WDR72: variants seen among roughly 807,000 people sequenced by gnomAD.
The protein encoded by WDR72 is WD repeat-containing protein 72.
Under a neutral mutation model 124.2 loss-of-function variants are expected in WDR72, and 120 were observed. The observed-to-expected ratio is 0.97, with a 90% CI of 0.83 to 1.12. WDR72 has a LOEUF of 1.12. Ranked by LOEUF, WDR72 falls within the 50% of genes most tolerant of loss-of-function variation. The probability of loss-of-function intolerance (pLI) is 0.00; values close to 1 mark genes in which losing one functional copy is unlikely to be tolerated. For synonymous variants in WDR72, 452 were observed against 441.7 expected (o/e 1.02, Z -0.29); for missense variants, 1,387 against 1,278.8 (o/e 1.08, Z -1.29).
chr15:53,565,752 G>C (rs1348524722), intron 18 of WDR72, among the ~76,000 whole-genome samples: 2 of 136,170 alleles, frequency 1.5e-5, no homozygotes, highest in Non-Finnish European at 3.2e-5. Context: ...TCAAACATGT[G>C]CACATACGTT....
chr15:53,549,350 A>G (rs1356104258), intron 18 of WDR72, among the ~76,000 whole-genome samples: 1 of 152,146 alleles, frequency 6.6e-6, no homozygotes, highest in Non-Finnish European at 1.5e-5. Context: ...TGAGAGAACT[A>G]GAGTGTAGCT....
At position 53,515,833 on chromosome 15, in the gene WDR72, T is replaced by C. The variant is rs143667387; in HGVS notation, c.*1866A>G. The C allele has an allele frequency of 1.6e-4, 24 of 152,292 alleles. No individual in the cohort carries two copies. Among genetic ancestry groups the C allele is most frequent in the South Asian group, 1.5e-3 (7 of 4,826 alleles). The allele number at this position is 152,292 out of a possible 1,614,324, so 9.4% of individuals were successfully genotyped here. On this transcript the variant is annotated 3_prime_UTR_variant, in exon 20 of 20. Transcript: ENST00000360509. ...TATTCTTGTTTCTAAAAGGGAATAA[T>C]AGGATGTAGCTATAAAAATAATGAA... is the stretch of plus-strand genomic sequence containing the variant.
At chr15:53,666,107 C>A (rs913818015) in intron 13 of WDR72, among the ~76,000 whole-genome samples, 2 of 152,178 alleles carry the variant, frequency 1.3e-5, no homozygotes, top group African/African-American at 2.4e-5. Context: ...TTAGTGCTGT[C>A]CCCTAGTGTT....
At chr15:53,615,229 TTTA>T (rs2013706268) in intron 15 of WDR72, among the ~76,000 whole-genome samples, 194 bp downstream of exon 15, 1 of 152,034 alleles carries the variant, frequency 6.6e-6, no homozygotes. Flanking sequence ...ATCATATAGA[TTTA>T]TTGCCAAATT....
chr15:53,694,421 C>T (rs945244320), intron 13 of WDR72, among the ~76,000 whole-genome samples: 2 of 152,144 alleles, frequency 1.3e-5, no homozygotes, highest in Admixed American at 6.5e-5. Context: ...GCTAATCTGT[C>T]ATCTGAGAAA....
chr15:53,552,072 G>A (rs1202496458), intron 18 of WDR72, among the ~76,000 whole-genome samples: 1 of 152,038 alleles, frequency 6.6e-6, no homozygotes, highest in Non-Finnish European at 1.5e-5. Context: ...CCTTGCAAGT[G>A]TCACCTGACA....
At chr15:53,598,795 G>A (rs902652743) in intron 17 of WDR72, among the ~76,000 whole-genome samples, 1 of 152,124 alleles carries the variant, frequency 6.6e-6, no homozygotes, top group African/African-American at 2.4e-5. Context: ...CAAGTGAATG[G>A]TGCTTACTCA....
intron 13 of WDR72, among the ~76,000 whole-genome samples, chr15:53,666,073 A>G (rs1226567925): frequency 6.6e-6 from 1 of 152,238 alleles, no homozygotes; most frequent in Non-Finnish European, 1.5e-5. Flanking sequence ...GCAAGTGATC[A>G]ATAACACATA....
chr15:53,543,085 C>T (rs367669413), intron 18 of WDR72, among the ~76,000 whole-genome samples: 20,702 of 141,648 alleles, frequency 0.15, 1,791 homozygotes, highest in Middle Eastern at 0.23. Flanking sequence ...GACAGATCAA[C>T]GAGACAGAAA....
At chr15:53,670,799 C>T (rs1453245341) in intron 13 of WDR72, among the ~76,000 whole-genome samples, 1 of 152,104 alleles carries the variant, frequency 6.6e-6, no homozygotes, top group African/African-American at 2.4e-5. Flanking sequence ...TATGACAGCC[C>T]TCTTTGTCAC....
intron 18 of WDR72, among the ~76,000 whole-genome samples, chr15:53,550,057 A>C (rs916282895): frequency 2.0e-5 from 3 of 152,210 alleles, no homozygotes; most frequent in Non-Finnish European, 2.9e-5. Flanking sequence ...GTTTAATTGA[A>C]GCCAACCATT....
chr15:53,717,874 C>G (rs895601994), intron 3 of WDR72, among the ~76,000 whole-genome samples: 4 of 151,944 alleles, frequency 2.6e-5, no homozygotes, highest in African/African-American at 9.7e-5. Flanking sequence ...CCTGAAAAGA[C>G]ATATAATTCT....
intron 14 of WDR72, among the ~76,000 whole-genome samples, chr15:53,617,287 CAAAT>C (rs1299210642): frequency 1.3e-5 from 2 of 151,178 alleles, no homozygotes; most frequent in Non-Finnish European, 3.0e-5. Context: ...CATGTAAATA[CAAAT>C]AAATGAATAA....
Position 53,711,394 on chromosome 15 carries a change from G to T in WDR72, c.799C>A (p.His267Asn), listed in dbSNP as rs111845511. Residue 267 changes from histidine (H) to asparagine (N), a missense_variant, in exon 8 of 20, where the codon CAC (histidine) becomes AAC (asparagine). By Grantham distance (68) the His-to-Asn change is moderately conservative (BLOSUM62 1). Coordinates refer to ENST00000360509, the MANE Select transcript of WDR72 (RefSeq NM_182758.4). ...FFAGGEVIAA[H>N]RILIWTEDGH... ...TCTTCTGTCCAGATGAGGATTCTGT[G>T]AGCAGCAATCACTTCTCCACCAGCA... 5.6e-5 allele frequency: 91 copies of T among 1,614,078 alleles called. No individual in the cohort carries two copies. In the South Asian group the frequency reaches 9.8e-4, roughly 17 times the overall value.
chr15:53,727,994 AG>A (rs1411509362), intron 2 of WDR72, among the ~76,000 whole-genome samples: 28 of 152,222 alleles, frequency 1.8e-4, no homozygotes, highest in African/African-American at 6.8e-4. Flanking sequence ...CATCACTTCC[AG>A]GTACTTCCAA....
Position 53,667,376 on chromosome 15 carries a change from C to T in WDR72, c.1766-1608G>A, listed in dbSNP as rs570173731. On this transcript the variant is annotated intron_variant, in intron 13 of 19. Transcript: ENST00000360509. ...CTCAAAAAAGAATAAACACAAAGTT[C>T]GTCACAATGGTATGCAACAGCTAGA... Among the ~76,000 whole-genome samples the T allele has an allele frequency of 2.2e-4, 33 of 151,898 alleles. No individual in the cohort carries two copies. In the South Asian group the frequency reaches 3.1e-3, roughly 14 times the overall value.
intron 18 of WDR72, among the ~76,000 whole-genome samples, chr15:53,594,960 T>C (rs567604448): frequency 1.3e-5 from 2 of 152,264 alleles, no homozygotes; most frequent in South Asian, 2.1e-4. Flanking sequence ...ACTTGGATAG[T>C]TCTCTCTTCG....
intron 13 of WDR72, among the ~76,000 whole-genome samples, chr15:53,679,779 AG>A (rs1415875038): frequency 2.0e-5 from 3 of 152,216 alleles, no homozygotes; most frequent in Non-Finnish European, 4.4e-5. Context: ...GAAAAATAAT[AG>A]AAGCCCACAA....
intron 14 of WDR72, among the ~76,000 whole-genome samples, chr15:53,663,091 A>AAAGT (rs2015660925): frequency 6.8e-6 from 1 of 147,928 alleles, no homozygotes; most frequent in East Asian, 2.1e-4. Context: ...CCTGCCTCTA[A>AAAGT]AAATAAATAA....
Sources: gnomAD v4.1 joint callset for allele counts (sites outside exome capture counted in the v4.1 genomes callset) on GRCh38, gnomAD v4.1.1 for gene constraint, MANE v1.5 for transcripts, NCBI Gene and HGNC (gene_info 2026-07-23, HGNC 2026-07-21) for gene names.